IFT88: variants seen among roughly 807,000 people sequenced by gnomAD.
The protein encoded by IFT88 is intraflagellar transport 88.
IFT88 carries 74 observed loss-of-function variants against 119.5 expected under a neutral mutation model. The ratio of observed to expected loss-of-function variants is 0.62; its 90% CI spans 0.51 to 0.75. The LOEUF (loss-of-function observed/expected upper bound fraction) is 0.75. Ranked by LOEUF, IFT88 falls within the 30% of genes least tolerant of loss-of-function variation. The pLI is 0.00. For missense variants in IFT88, 961 were observed against 977.7 expected (o/e 0.98, Z 0.23); for synonymous variants, 279 against 316.7 (o/e 0.88, Z 1.26).
At chr13:20,682,905 C>G (rs1020765914) in intron 24 of IFT88, among the ~76,000 whole-genome samples, 1 of 152,190 alleles carries the variant, frequency 6.6e-6, no homozygotes, top group African/African-American at 2.4e-5. Flanking sequence ...CGTTCACAGT[C>G]TTGCTCAGCT....
At chr13:20,630,640 TCTC>T (rs948593242) in intron 15 of IFT88, among the ~76,000 whole-genome samples, 2 of 152,070 alleles carry the variant, frequency 1.3e-5, no homozygotes, top group Admixed American at 6.5e-5. Context: ...CTCAAGCAAT[TCTC>T]CTGCCGTGGC....
intron 23 of IFT88, 103 bp downstream of exon 23, chr13:20,663,707 T>A: frequency 1.2e-6 from 1 of 808,686 alleles, no homozygotes; most frequent in Non-Finnish European, 1.9e-6. Flanking sequence ...AAAACAGAGT[T>A]GAAATTTTTT....
At chr13:20,643,658 A>G in intron 19 of IFT88, 53 bp downstream of exon 19, 2 of 1,298,532 alleles carry the variant, frequency 1.5e-6, no homozygotes, top group Non-Finnish European at 2.1e-6. Context: ...ATGAATTGTT[A>G]TAAAGAAGGC....
At chr13:20,580,767 C>T (rs1391941907) in intron 2 of IFT88, among the ~76,000 whole-genome samples, 4 of 147,246 alleles carry the variant, frequency 2.7e-5, no homozygotes, top group Non-Finnish European at 6.0e-5. Flanking sequence ...GCTCTGTAGC[C>T]CAGGGTGGAG....
chr13:20,631,354 T>C (rs1566272179), intron 16 of IFT88: 1 of 394,754 alleles, frequency 2.5e-6, no homozygotes. Context: ...TCATAGATTA[T>C]GCAACATACA....
Position 20,678,579 on chromosome 13 carries a change from C to T in IFT88, c.2242+7540C>T, listed in dbSNP as rs116433007. On this transcript the variant is annotated intron_variant, in intron 24 of 25. Transcript: ENST00000351808. ...TATTGTTTGTGGCTTGAGCAGTTTT[C>T]CGCTCCGGAGGGGCCAGGTTTTCCT... Among the ~76,000 whole-genome samples the T allele has an allele frequency of 3.1e-3, 466 of 152,248 alleles. 1 individual carries two copies. Among genetic ancestry groups the T allele is most frequent in the African/African-American group, 0.011 (450 of 41,548 alleles).
At chr13:20,644,218 G>A (rs1400449253) in intron 19 of IFT88, among the ~76,000 whole-genome samples, 1 of 152,114 alleles carries the variant, frequency 6.6e-6, no homozygotes, top group Non-Finnish European at 1.5e-5. Flanking sequence ...AATAATAAAA[G>A]GACAGTCCTG....
At position 20,671,004 on chromosome 13, in the gene IFT88, G is replaced by C; in HGVS notation, c.2207G>C (p.Gly736Ala). ...AAGTCAGGCAGAGATGGCAGTGGGG[G>C]CTCCCGTGGCAAAAGAGAAGGAAGT... ...RIKSGRDGSG[G>A]SRGKREGSAS... The change falls in exon 24 of 26, where the codon GGC (glycine) becomes GCC (alanine). Residue 736 changes from glycine (G) to alanine (A), a missense_variant. Transcript: ENST00000351808. 1.2e-6 allele frequency: 2 copies of C among 1,613,906 alleles called. No homozygotes were observed. The highest frequency in any genetic ancestry group is 1.7e-6 in the Non-Finnish European group (2 of 1,179,896).
chr13:20,625,995 C>A, intron 15 of IFT88, 146 bp downstream of exon 15: 46 of 218,400 alleles, frequency 2.1e-4, no homozygotes, highest in Non-Finnish European at 2.8e-4. Context: ...TGTTAATTTT[C>A]ATTAAAATAG....
At chr13:20,661,928 G>A (rs1402727551) in intron 22 of IFT88, among the ~76,000 whole-genome samples, 2 of 152,094 alleles carry the variant, frequency 1.3e-5, no homozygotes, top group African/African-American at 4.8e-5. Flanking sequence ...GAGGGGTGCT[G>A]GCTGCTTCTG....
At chr13:20,600,685 C>T (rs1216934792) in intron 11 of IFT88, among the ~76,000 whole-genome samples, 1 of 145,340 alleles carries the variant, frequency 6.9e-6, no homozygotes, top group Non-Finnish European at 1.5e-5. Flanking sequence ...AATGGTGCAG[C>T]TACTTCGGAA....
chr13:20,646,707 A>AT (rs1302653429), intron 20 of IFT88, among the ~76,000 whole-genome samples: 2 of 151,074 alleles, frequency 1.3e-5, no homozygotes, highest in Non-Finnish European at 2.9e-5. Flanking sequence ...TTTCCAGTGC[A>AT]TTTTTCTTTG....
At chr13:20,654,006 C>A in intron 21 of IFT88, 78 bp downstream of exon 21, 2 of 717,546 alleles carry the variant, frequency 2.8e-6, no homozygotes, top group South Asian at 1.9e-5. Context: ...AAATGTGATC[C>A]AGTTGCATAT....
intron 18 of IFT88, chr13:20,641,628 A>G (rs2049976142): frequency 2.9e-6 from 1 of 343,000 alleles, no homozygotes. Context: ...TTATTTATTA[A>G]ATTTTGAAAA....
intron 1 of IFT88, among the ~76,000 whole-genome samples, chr13:20,569,330 T>G (rs992102161): frequency 3.3e-5 from 5 of 149,466 alleles, no homozygotes; most frequent in Non-Finnish European, 1.5e-5. Flanking sequence ...TCCCAGCACT[T>G]TGGGAGGCCG....
chr13:20,627,753 AGG>A (rs200592707), intron 15 of IFT88, among the ~76,000 whole-genome samples: 13 of 125,602 alleles, frequency 1.0e-4, no homozygotes, highest in African/African-American at 3.8e-4. Context: ...AAAAAAAAAA[AGG>A]TTAAGAATGC....
chr13:20,643,600 T>C lies in IFT88; in HGVS notation c.1828T>C (p.Tyr610His), dbSNP rs1181540046. Residue 610 changes from tyrosine (Y) to histidine (H), a missense_variant, in exon 19 of 26, where the codon TAT becomes CAT. Tyr to His is a moderately conservative substitution (Grantham distance 83). Coordinates refer to ENST00000351808, the MANE Select transcript of IFT88 (RefSeq NM_006531.5). ...TAAATCTCAAGCATTTCAATATTAC[T>C]ATGAGGTAGGTGTGTTATCTTAATT... ...GDKSQAFQYY[Y>H]ESYRYFPCNI... The C allele has an allele frequency of 1.3e-6, 2 of 1,594,688 alleles. No homozygotes were observed. The highest frequency in any genetic ancestry group is 1.7e-5 in the Admixed American group (1 of 57,734).
At chr13:20,690,876 G>A in intron 25 of IFT88, 61 bp downstream of exon 25, 2 of 1,398,990 alleles carry the variant, frequency 1.4e-6, no homozygotes, top group Non-Finnish European at 2.0e-6. Context: ...TGGTGAGATG[G>A]CCAAAAGGTG....
intron 20 of IFT88, among the ~76,000 whole-genome samples, chr13:20,650,541 T>G (rs1295759319): frequency 3.3e-5 from 5 of 152,146 alleles, no homozygotes; most frequent in Non-Finnish European, 5.9e-5. Context: ...AAGCTTGCTT[T>G]CTTAAGATCA....
Sources: allele counts gnomAD v4.1 joint callset (sites outside exome capture counted in the v4.1 genomes callset), GRCh38; gene constraint gnomAD v4.1.1; transcripts MANE v1.5; gene names NCBI Gene and HGNC (gene_info 2026-07-23, HGNC 2026-07-21).